CSMD2: variants seen among roughly 807,000 people sequenced by gnomAD.
CSMD2 encodes CUB and sushi domain-containing protein 2.
In CSMD2, 130 loss-of-function variants were observed where a neutral mutation model predicts 398.5. The ratio of observed to expected loss-of-function variants is 0.33; its 90% CI spans 0.28 to 0.38. The LOEUF is 0.38. Among genes scored for constraint, CSMD2 ranks in the 10% least tolerant of loss-of-function variants. CSMD2 has a pLI of 1.00. For synonymous variants in CSMD2, 1,828 were observed against 1,908.5 expected, an observed-to-expected ratio of 0.96 and a Z score of 1.10; for missense variants, 3,829 against 4,764.9, an observed-to-expected ratio of 0.80 and a Z score of 5.78.
At chr1:33,620,714 G>C (rs976652115) in intron 37 of CSMD2, among the ~76,000 whole-genome samples, 13 of 151,934 alleles carry the variant, frequency 8.6e-5, no homozygotes, top group African/African-American at 2.9e-4. Context: ...ACTCCACCAG[G>C]GGAGTGAAGC....
At chr1:33,830,132 C>T (rs1470755029) in intron 6 of CSMD2, among the ~76,000 whole-genome samples, 1 of 152,200 alleles carries the variant, frequency 6.6e-6, no homozygotes, top group African/African-American at 2.4e-5. Context: ...TAAATGCCCC[C>T]ATCTGACAGC....
In CSMD2 at chr1:33,622,160, T is replaced by G. The variant is rs1232447359; in HGVS notation, c.5827+7A>C. The stretch of plus-strand genomic sequence containing the variant: ...ACCCTGTACCAGCCAAGACCCTGGA[T>G]TCTCACTTTTGTACTCCAAGTGGAA... On this transcript the variant is annotated splice_region_variant and intron_variant, in intron 37 of 70. Transcript: ENST00000373381. 6.2e-7 allele frequency: 1 copy of G among 1,604,840 alleles called. No individual in the cohort carries two copies. The highest frequency in any genetic ancestry group is 8.5e-7 in the Non-Finnish European group (1 of 1,171,738).
intron 41 of CSMD2, among the ~76,000 whole-genome samples, chr1:33,610,248 A>T (rs1480978070): frequency 1.3e-5 from 2 of 151,222 alleles, no homozygotes; most frequent in Non-Finnish European, 2.9e-5. Context: ...TTTTTTACAA[A>T]CATGAATTAG....
intron 22 of CSMD2, among the ~76,000 whole-genome samples, chr1:33,701,785 GT>G (rs1485957373): frequency 6.6e-6 from 1 of 152,078 alleles, no homozygotes; most frequent in Non-Finnish European, 1.5e-5. Flanking sequence ...AGTTCAAAGA[GT>G]TTAGCTTAAA....
intron 1 of CSMD2, among the ~76,000 whole-genome samples, chr1:34,102,296 C>T (rs527467537): frequency 2.6e-5 from 4 of 152,336 alleles, no homozygotes; most frequent in South Asian, 2.1e-4. Flanking sequence ...TCCCAAAGTG[C>T]TGGGATTACA....
intron 2 of CSMD2, among the ~76,000 whole-genome samples, chr1:34,048,510 G>A (rs890254938): frequency 1.3e-5 from 2 of 152,154 alleles, no homozygotes; most frequent in Non-Finnish European, 1.5e-5. Context: ...CTACCCCCTC[G>A]GACAGCTGCT....
At chr1:33,658,260 CCAT>C (rs536815393) in intron 26 of CSMD2, 123 bp from the exon 27 acceptor site, 28 of 724,266 alleles carry the variant, frequency 3.9e-5, no homozygotes, top group Middle Eastern at 4.0e-4. Context: ...CAGAACCTCC[CCAT>C]CATCATCATC....
chr1:34,153,464 T>C (rs1640516390), intron 1 of CSMD2, among the ~76,000 whole-genome samples: 1 of 152,246 alleles, frequency 6.6e-6, no homozygotes. Context: ...CATGGACACA[T>C]GGGTTGCTTC....
In CSMD2 at chr1:33,567,871, C is replaced by A. The variant is rs141826288; in HGVS notation, c.8132-30G>T. ...AGACAGGGATGGTGGGGAAAAGGAC[C>A]AACTATCCCACAACTCATTACTTTT... is the stretch of plus-strand genomic sequence containing the variant. On this transcript the variant is annotated intron_variant, in intron 52 of 70. Transcript: ENST00000373381. 2.8e-5 allele frequency: 44 copies of A among 1,548,652 alleles called. No homozygotes were observed. The East Asian group carries it at 9.3e-4, about 33-fold the overall frequency.
chr1:33,678,530 T>C (rs768628320), intron 25 of CSMD2, among the ~76,000 whole-genome samples: 1 of 152,066 alleles, frequency 6.6e-6, no homozygotes, highest in Non-Finnish European at 1.5e-5. Context: ...GAAAATGGCA[T>C]GTGAATGAAC....
chr1:33,798,406 T>C (rs1405139405), intron 10 of CSMD2, among the ~76,000 whole-genome samples: 1 of 152,220 alleles, frequency 6.6e-6, no homozygotes, highest in African/African-American at 2.4e-5. Context: ...AGAATCTAAA[T>C]GCCCAGGACA....
intron 10 of CSMD2, chr1:33,804,965 G>A: frequency 1.4e-6 from 1 of 706,376 alleles, no homozygotes; most frequent in Middle Eastern, 2.3e-4. Context: ...GCCCACCAAG[G>A]CCCCACAGAG....
chr1:33,716,123 TG>T (rs1465993720), intron 20 of CSMD2, among the ~76,000 whole-genome samples, 162 bp downstream of exon 20: 1 of 152,230 alleles, frequency 6.6e-6, no homozygotes, highest in Non-Finnish European at 1.5e-5. Flanking sequence ...AGTTCTTACT[TG>T]GGTCTAACCC....
chr1:33,964,571 C>T (rs576581507), intron 3 of CSMD2, among the ~76,000 whole-genome samples: 125 of 152,324 alleles, frequency 8.2e-4, no homozygotes, highest in African/African-American at 2.8e-3. Flanking sequence ...AATTTTAGGA[C>T]TCATCCTCCC....
chr1:34,010,425 G>C (rs966075908), intron 3 of CSMD2, among the ~76,000 whole-genome samples: 2 of 152,132 alleles, frequency 1.3e-5, no homozygotes. Flanking sequence ...GCATTCTCCT[G>C]TTATGTCCTT....
chr1:33,619,734 T>C (rs909932596), intron 37 of CSMD2, among the ~76,000 whole-genome samples: 1 of 152,158 alleles, frequency 6.6e-6, no homozygotes. Context: ...GCTTTTAAGA[T>C]ATGAGTGTGA....
At chr1:33,847,711 C>A (rs1273348914) in intron 5 of CSMD2, among the ~76,000 whole-genome samples, 9 of 152,066 alleles carry the variant, frequency 5.9e-5, no homozygotes, top group Non-Finnish European at 1.0e-4. Context: ...TCAAAGGGGG[C>A]AATGTGGCCT....
At chr1:33,880,565 T>TCTTCA (rs1373306319) in intron 5 of CSMD2, among the ~76,000 whole-genome samples, 1 of 152,212 alleles carries the variant, frequency 6.6e-6, no homozygotes, top group Admixed American at 6.5e-5. Flanking sequence ...AAGACTGCGC[T>TCTTCA]CTTCACTTAC....
At position 33,636,971 on chromosome 1, in the gene CSMD2, C is replaced by T. The variant is rs1452089547; in HGVS notation, c.4775-417G>A. On this transcript the variant is annotated intron_variant, in intron 29 of 70. Coordinates refer to ENST00000373381, the MANE Select transcript of CSMD2 (RefSeq NM_001281956.2). The surrounding 1 kb of genome is among the most constrained non-coding windows in gnomAD (Gnocchi z 4.8). The stretch of plus-strand genomic sequence containing the variant: ...AGGTCAGTGCTTAGGTACAGCCCAT[C>T]ACTTTACTCATCTTTGACCCCCCAC... Among the ~76,000 whole-genome samples the T allele has an allele frequency of 1.3e-5, 2 of 152,202 alleles. No homozygotes were observed. The highest frequency in any genetic ancestry group is 1.5e-5 in the Non-Finnish European group (1 of 68,034).
Sources: gnomAD v4.1 joint callset for allele counts (sites outside exome capture counted in the v4.1 genomes callset) on GRCh38, gnomAD v4.1.1 for gene constraint, Gnocchi (gnomAD v3.1) non-coding constraint, MANE v1.5 for transcripts, NCBI Gene and HGNC (gene_info 2026-07-23, HGNC 2026-07-21) for gene names.